ARHGEF4: variants seen among roughly 807,000 people sequenced by gnomAD.
ARHGEF4 encodes the protein Rho guanine nucleotide exchange factor 4.
Under a neutral mutation model 162.0 loss-of-function variants are expected in ARHGEF4, and 119 were observed. The observed-to-expected ratio is 0.73, with a 90% CI of 0.63 to 0.86. The LOEUF is 0.86. ARHGEF4 is among the 40% of genes least tolerant of loss of function. The probability of loss-of-function intolerance (pLI) is 0.00; values close to 1 mark genes in which losing one functional copy is unlikely to be tolerated. For missense variants in ARHGEF4, 2,488 were observed against 2,456.0 expected, an observed-to-expected ratio of 1.01 and a Z score of -0.28; for synonymous variants, 1,014 against 979.9, an observed-to-expected ratio of 1.03 and a Z score of -0.65.
chr2:130,927,281 G>C (rs961870016), intron 2 of ARHGEF4, among the ~76,000 whole-genome samples: 2 of 152,138 alleles, frequency 1.3e-5, no homozygotes, highest in Non-Finnish European at 2.9e-5. Flanking sequence ...ACCCCAGCAG[G>C]TCAGGGGAGG....
At chr2:131,045,232 C>A in intron 12 of ARHGEF4, 137 bp from the exon 13 acceptor site, 1 of 818,094 alleles carries the variant, frequency 1.2e-6, no homozygotes, top group Non-Finnish European at 1.9e-6. Context: ...GCAGAATGGG[C>A]AACAGTCCCC....
chr2:130,916,614 T>G lies in ARHGEF4; in HGVS notation c.2668T>G (p.Ser890Ala). The change falls in exon 2 of 14, where the codon TCT becomes GCT. Residue 890 changes from serine to alanine, a missense_variant. Physicochemically the swap from Ser to Ala is moderately conservative, Grantham distance 99. Around this residue, in one of 6 missense-constraint regions of ARHGEF4, gnomAD observed 1,642 missense variants for 1,481.5 expected, o/e 1.11. Transcript: ENST00000409359. ...SGDLGSRGPS[S>A]ESCNAKRLKT... The stretch of plus-strand genomic sequence containing the variant: ...GGATCTTGGTAGCCGAGGGCCTTCC[T>G]CTGAGAGCTGCAACGCAAAGAGACT... The G allele has an allele frequency of 6.4e-7, 1 of 1,550,542 alleles. No individual in the cohort carries two copies. Among genetic ancestry groups the G allele is most frequent in the Non-Finnish European group, 8.7e-7 (1 of 1,146,960 alleles).
chr2:130,908,860 T>G (rs1681002813), intron 1 of ARHGEF4, among the ~76,000 whole-genome samples: 1 of 152,122 alleles, frequency 6.6e-6, no homozygotes, highest in South Asian at 2.1e-4. Flanking sequence ...ATCCAGTTTT[T>G]AAACATGGGC....
At chr2:130,888,962 G>A (rs58289687) in intron 1 of ARHGEF4, among the ~76,000 whole-genome samples, 13,124 of 151,676 alleles carry the variant, frequency 0.087, 1,112 homozygotes, top group African/African-American at 0.21. Context: ...AAAATTAGCC[G>A]GGCATGGTGG....
chr2:130,969,135 C>T (rs781688612), intron 4 of ARHGEF4, among the ~76,000 whole-genome samples: 1 of 152,080 alleles, frequency 6.6e-6, no homozygotes, highest in African/African-American at 2.4e-5. Context: ...AGAACACTTA[C>T]ATTAGCCTGA....
At chr2:130,853,029 A>C (rs1404636027) in intron 1 of ARHGEF4, among the ~76,000 whole-genome samples, 1 of 152,148 alleles carries the variant, frequency 6.6e-6, no homozygotes, top group African/African-American at 2.4e-5. Flanking sequence ...GCTCCCATCG[A>C]GGGTCAGCAG....
At chr2:130,911,006 T>G (rs1681148009) in intron 1 of ARHGEF4, among the ~76,000 whole-genome samples, 1 of 152,128 alleles carries the variant, frequency 6.6e-6, no homozygotes, top group Non-Finnish European at 1.5e-5. Flanking sequence ...CATAGGAAAG[T>G]GTGCATATTA....
chr2:130,930,545 T>C (rs1682568884), intron 2 of ARHGEF4, among the ~76,000 whole-genome samples: 2 of 152,122 alleles, frequency 1.3e-5, no homozygotes, highest in Admixed American at 6.5e-5. Context: ...CTAGAAGAGG[T>C]ACTGGGCTCT....
chr2:131,004,271 T>C (rs896671816), intron 4 of ARHGEF4, among the ~76,000 whole-genome samples: 2 of 152,172 alleles, frequency 1.3e-5, no homozygotes, highest in East Asian at 3.9e-4. Context: ...GTTCATGCCA[T>C]TCTCCTGCCT....
chr2:130,956,641 T>C (rs1684291550), intron 4 of ARHGEF4, among the ~76,000 whole-genome samples: 1 of 151,424 alleles, frequency 6.6e-6, no homozygotes, highest in Non-Finnish European at 1.5e-5. Context: ...TATGCAGCCA[T>C]AAAAAATGAT....
At chr2:130,926,312 T>C (rs1682285710) in intron 2 of ARHGEF4, among the ~76,000 whole-genome samples, 1 of 152,166 alleles carries the variant, frequency 6.6e-6, no homozygotes, top group Non-Finnish European at 1.5e-5. Flanking sequence ...TCATGAGTAT[T>C]TGTATTGCTT....
At chr2:130,898,480 G>A (rs1204129225) in intron 1 of ARHGEF4, among the ~76,000 whole-genome samples, 2 of 152,232 alleles carry the variant, frequency 1.3e-5, no homozygotes, top group Non-Finnish European at 2.9e-5. Flanking sequence ...CAGAGACTCA[G>A]CATGAGGCAG....
rs191545895 is a variant in ARHGEF4 at position 130,900,225 on chromosome 2, A to G, written c.40-13761A>G. Among the ~76,000 whole-genome samples the G allele has an allele frequency of 4.6e-5, 7 of 152,314 alleles. No homozygotes were observed. In the East Asian group the frequency reaches 1.2e-3, roughly 25 times the overall value. On this transcript the variant is annotated intron_variant, in intron 1 of 13. Coordinates refer to ENST00000409359, the MANE Select transcript of ARHGEF4 (RefSeq NM_001367493.1). ...TGAGTGGGCTGTTCTATAAATGTCA[A>G]TTAGATCCACTTAGATTACGTTATT... is the stretch of plus-strand genomic sequence containing the variant.
Position 130,883,466 on chromosome 2 carries a change from T to C in ARHGEF4, c.40-30520T>C, listed in dbSNP as rs1184496899. Among the ~76,000 whole-genome samples, 3 of 152,124 alleles carry C rather than the reference T, an allele frequency of 2.0e-5. No homozygotes were observed. The East Asian group carries it at 5.8e-4, about 29-fold the overall frequency. ...TAAAAAAGCACAACTCAAAAACAGA[T>C]CGACTTCTCAGATGTCTCTTCTCTT... On this transcript the variant is annotated intron_variant, in intron 1 of 13. Transcript: ENST00000409359.
intron 4 of ARHGEF4, among the ~76,000 whole-genome samples, chr2:130,962,861 C>T (rs1191318399): frequency 6.6e-6 from 1 of 152,152 alleles, no homozygotes; most frequent in African/African-American, 2.4e-5. Context: ...CCTGATTAGC[C>T]GCTATCACGA....
chr2:130,915,145 T>G lies in ARHGEF4; in HGVS notation c.1199T>G (p.Leu400Arg). The G allele has an allele frequency of 6.4e-7, 1 of 1,550,648 alleles. No homozygotes were observed. Among genetic ancestry groups the G allele is most frequent in the Non-Finnish European group, 8.7e-7 (1 of 1,147,004 alleles). Residue 400 changes from leucine (L) to arginine (R), a missense_variant, in exon 2 of 14, where the codon CTG becomes CGG. Physicochemically the swap from Leu to Arg is moderately radical, Grantham distance 102 (BLOSUM62 -2). Transcript: ENST00000409359. The part of the protein sequence containing the change: ...IPAFQSGAPH[L>R]QGPCKPGGFR... ...GCTTTTCAGAGTGGGGCTCCCCATC[T>G]GCAGGGTCCCTGCAAGCCTGGTGGG... is the stretch of plus-strand genomic sequence containing the variant.
At chr2:131,013,151 G>T (rs745587866) in intron 4 of ARHGEF4, among the ~76,000 whole-genome samples, 1 of 151,850 alleles carries the variant, frequency 6.6e-6, no homozygotes, top group African/African-American at 2.4e-5. Flanking sequence ...AGGGCACGCC[G>T]CAGTGTGGAT....
chr2:130,878,090 T>C (rs557877071), intron 1 of ARHGEF4, among the ~76,000 whole-genome samples: 21 of 152,336 alleles, frequency 1.4e-4, no homozygotes, highest in Middle Eastern at 6.8e-3. Flanking sequence ...AGATTACCTT[T>C]ACTTTCCTTA....
intron 1 of ARHGEF4, among the ~76,000 whole-genome samples, chr2:130,899,012 A>G (rs6727787): frequency 0.24 from 36,337 of 151,968 alleles, 7,277 homozygotes; most frequent in African/African-American, 0.55. Flanking sequence ...TCAGTTGTGC[A>G]TGTAGCCCCT....
Sources: gnomAD v4.1 joint callset for allele counts (sites outside exome capture counted in the v4.1 genomes callset) on GRCh38, gnomAD v4.1.1 for gene constraint, gnomAD v4.1.1 regional missense constraint, MANE v1.5 for transcripts, NCBI Gene and HGNC (gene_info 2026-07-23, HGNC 2026-07-21) for gene names.